CAMK4: variants seen among roughly 807,000 people sequenced by gnomAD.
CAMK4 encodes the protein calcium/calmodulin-dependent protein kinase type IV.
CAMK4 carries 22 observed loss-of-function variants against 44.9 expected under a neutral mutation model. That is an observed-to-expected ratio of 0.49 (90% CI 0.35 to 0.70). The LOEUF (loss-of-function observed/expected upper bound fraction) is 0.70, where lower values mean the gene tolerates loss of function less well. Among genes scored for constraint, CAMK4 ranks in the 30% least tolerant of loss-of-function variants. The pLI, the probability that CAMK4 is intolerant of heterozygous loss-of-function variation, is 0.01. For synonymous variants in CAMK4, 218 were observed against 215.4 expected, an observed-to-expected ratio of 1.01 and a Z score of -0.11; for missense variants, 498 against 586.8, an observed-to-expected ratio of 0.85 and a Z score of 1.56.
intron 5 of CAMK4, among the ~76,000 whole-genome samples, chr5:111,418,599 C>A (rs142731284): frequency 4.7e-5 from 7 of 150,286 alleles, no homozygotes; most frequent in South Asian, 2.2e-4. Context: ...CACCTCCCCC[C>A]ACCCCACAAC....
intron 4 of CAMK4, among the ~76,000 whole-genome samples, chr5:111,377,659 G>A (rs1751265651): frequency 6.6e-6 from 1 of 152,112 alleles, no homozygotes. Context: ...GTCCTGATGG[G>A]CTCTTGAGAG....
chr5:111,318,012 C>T (rs191808631), intron 1 of CAMK4, among the ~76,000 whole-genome samples: 2 of 149,016 alleles, frequency 1.3e-5, no homozygotes, highest in Non-Finnish European at 1.5e-5. Flanking sequence ...GTACTACATG[C>T]GAAGAGAATG....
At chr5:111,396,298 T>G (rs462206) in intron 5 of CAMK4, among the ~76,000 whole-genome samples, 139,532 of 152,112 alleles carry the variant, frequency 0.92, 64,105 homozygotes, top group East Asian at 0.99. Flanking sequence ...GTTTGAAATG[T>G]GAGTGAATAA....
At position 111,243,828 on chromosome 5, in the gene CAMK4, A is replaced by G. The variant is rs116493281; in HGVS notation, c.161+19184A>G. ...AAAATACTGAAGATATTGTGACTGTATCTTGTGCCTATAGCTGCACGAATG... is the reference window on the plus strand; with the variant it reads ...AAAATACTGAAGATATTGTGACTGTGTCTTGTGCCTATAGCTGCACGAATG... On this transcript the variant is annotated intron_variant, in intron 1 of 10. Transcript: ENST00000282356. 1.7e-3 allele frequency among the ~76,000 whole-genome samples: 266 copies of G among 152,308 alleles called. 2 individuals carry two copies. Among genetic ancestry groups the G allele is most frequent in the African/African-American group, 6.0e-3 (249 of 41,576 alleles).
At chr5:111,399,790 C>T (rs307548) in intron 5 of CAMK4, among the ~76,000 whole-genome samples, 138,418 of 152,286 alleles carry the variant, frequency 0.91, 62,991 homozygotes, top group East Asian at 0.99. Context: ...ACTCACCTTC[C>T]TCGGTATGTT....
intron 1 of CAMK4, among the ~76,000 whole-genome samples, chr5:111,246,407 A>G (rs1018429765): frequency 5.9e-5 from 9 of 152,230 alleles, no homozygotes; most frequent in Admixed American, 1.3e-4. Flanking sequence ...TGAAGCACCA[A>G]AAGAAACCTA....
intron 1 of CAMK4, chr5:111,302,218 A>C (rs1747750273): frequency 6.5e-6 from 1 of 152,844 alleles, no homozygotes; most frequent in African/African-American, 2.4e-5. Context: ...TACCTTATAA[A>C]TGTATCAAAA....
intron 1 of CAMK4, among the ~76,000 whole-genome samples, chr5:111,247,252 T>C (rs1749281508): frequency 6.7e-6 from 1 of 149,810 alleles, no homozygotes; most frequent in African/African-American, 2.4e-5. Flanking sequence ...TACACACACA[T>C]TGATTCATTT....
chr5:111,372,175 A>G (rs1286376686), intron 2 of CAMK4, among the ~76,000 whole-genome samples: 1 of 152,118 alleles, frequency 6.6e-6, no homozygotes, highest in Non-Finnish European at 1.5e-5. Flanking sequence ...GAAGAAACTG[A>G]GAGAGTAATA....
intron 1 of CAMK4, among the ~76,000 whole-genome samples, chr5:111,336,049 T>C (rs1398692549): frequency 6.6e-6 from 1 of 151,296 alleles, no homozygotes; most frequent in African/African-American, 2.4e-5. Context: ...TAAAAGAAAG[T>C]AGTAGAAATC....
rs1205537240 is a variant in CAMK4 at position 111,446,711 on chromosome 5, A to G, written c.485A>G (p.His162Arg). ...VAYLHENGIV[H>R]RDLKPENLLY... ...TATCTACATGAAAATGGGATTGTCC[A>G]TCGTGATCTCAAACCAGAGAATCTT... Residue 162 changes from histidine to arginine, a missense_variant, in exon 6 of 11, where the codon CAT (histidine) becomes CGT (arginine). By Grantham distance (29) the His-to-Arg change is conservative (BLOSUM62 0). Transcript: ENST00000282356. 2 of 1,599,068 alleles carry G rather than the reference A, an allele frequency of 1.3e-6. No individual in the cohort carries two copies. The highest frequency in any genetic ancestry group is 1.3e-5 in the African/African-American group (1 of 74,434).
At chr5:111,337,892 T>A (rs1472358505) in intron 1 of CAMK4, among the ~76,000 whole-genome samples, 1 of 151,170 alleles carries the variant, frequency 6.6e-6, no homozygotes, top group Middle Eastern at 3.2e-3. Flanking sequence ...AGCAATGTTA[T>A]GTGTCCCTAA....
chr5:111,484,589 C>T lies in CAMK4; in HGVS notation c.*123C>T. ...CTGTTTTTGAGGTGCAAAAAACATA[C>T]ATATATACCAGTTGGTAATTCTAAC... On this transcript the variant is annotated 3_prime_UTR_variant, in exon 11 of 11. Coordinates refer to ENST00000282356, the MANE Select transcript of CAMK4 (RefSeq NM_001744.6). The surrounding 1 kb of genome is among the most constrained non-coding windows in gnomAD (Gnocchi z 5.3). 1 of 506,390 alleles carries T rather than the reference C, an allele frequency of 2.0e-6. No individual in the cohort carries two copies. Among genetic ancestry groups the T allele is most frequent in the African/African-American group, 2.0e-5 (1 of 51,126 alleles). The allele number at this position is 506,390 out of a possible 1,614,324, so 31.4% of individuals were successfully genotyped here.
intron 1 of CAMK4, among the ~76,000 whole-genome samples, chr5:111,239,343 C>T (rs1257131302): frequency 6.6e-6 from 1 of 152,000 alleles, no homozygotes; most frequent in Non-Finnish European, 1.5e-5. Flanking sequence ...GTTTCTTTAG[C>T]ACTAGGTTGC....
chr5:111,316,518 T>C lies in CAMK4; in HGVS notation c.162-27506T>C, dbSNP rs529413147. ...CTTCTGATAGATGTTGAGTGATTGATCTTCCTCTAGCTCTGAGGACTGGCC... is the reference window on the plus strand; with the variant it reads ...CTTCTGATAGATGTTGAGTGATTGACCTTCCTCTAGCTCTGAGGACTGGCC... On this transcript the variant is annotated intron_variant, in intron 1 of 10. Transcript: ENST00000282356. Among the ~76,000 whole-genome samples, 15 of 152,312 alleles carry C rather than the reference T, an allele frequency of 9.8e-5. No homozygotes were observed. In the East Asian group the frequency reaches 2.7e-3, roughly 27 times the overall value.
At chr5:111,478,766 T>C (rs974291842) in intron 9 of CAMK4, among the ~76,000 whole-genome samples, 14 of 152,360 alleles carry the variant, frequency 9.2e-5, no homozygotes, top group African/African-American at 3.1e-4. Flanking sequence ...CTTATAAGTA[T>C]AAAAACCTTG....
chr5:111,308,764 C>G (rs73786887), intron 1 of CAMK4, among the ~76,000 whole-genome samples: 1 of 152,002 alleles, frequency 6.6e-6, no homozygotes, highest in Non-Finnish European at 1.5e-5. Context: ...ATACTGAATT[C>G]GTTAAAAGTG....
At chr5:111,438,629 A>G (rs114607752) in intron 5 of CAMK4, among the ~76,000 whole-genome samples, 383 of 152,330 alleles carry the variant, frequency 2.5e-3, no homozygotes, top group African/African-American at 8.6e-3. Context: ...AGAAGGAAAG[A>G]GTAGACAAAT....
chr5:111,374,954 C>G (rs755577037), intron 3 of CAMK4, 42 bp downstream of exon 3: 14 of 1,375,000 alleles, frequency 1.0e-5, no homozygotes, highest in African/African-American at 7.2e-5. Context: ...ATTGCCAGAG[C>G]TAGAGAAAGG....
Sources: gnomAD v4.1 joint callset for allele counts (sites outside exome capture counted in the v4.1 genomes callset) on GRCh38, gnomAD v4.1.1 for gene constraint, Gnocchi (gnomAD v3.1) non-coding constraint, MANE v1.5 for transcripts, NCBI Gene and HGNC (gene_info 2026-07-23, HGNC 2026-07-21) for gene names.